PRDM12: variants seen among roughly 807,000 people sequenced by gnomAD.
PRDM12 encodes PR domain zinc finger protein 12.
A neutral mutation model predicts 29.6 loss-of-function variants in PRDM12; 17 were observed. The observed-to-expected ratio is 0.57, with a 90% CI of 0.39 to 0.86. The LOEUF is 0.86. Ranked by LOEUF, PRDM12 falls within the 40% of genes least tolerant of loss-of-function variation. The pLI, the probability that PRDM12 is intolerant of heterozygous loss-of-function variation, is 0.00. For missense variants in PRDM12, 422 were observed against 510.8 expected, an observed-to-expected ratio of 0.83 and a Z score of 1.68; for synonymous variants, 231 against 225.8, an observed-to-expected ratio of 1.02 and a Z score of -0.21.
chr9:130,679,639 AT>A (rs910301162), intron 4 of PRDM12, among the ~76,000 whole-genome samples: 8 of 150,996 alleles, frequency 5.3e-5, no homozygotes, highest in African/African-American at 2.0e-4. Flanking sequence ...GGCCTGTGAA[AT>A]TTGGTTATCC....
chr9:130,672,747 T>C (rs1830801405), intron 3 of PRDM12, among the ~76,000 whole-genome samples: 1 of 152,196 alleles, frequency 6.6e-6, no homozygotes, highest in Non-Finnish European at 1.5e-5. Flanking sequence ...AAATTGATGT[T>C]TGTCCAGATG....
At chr9:130,680,400 C>T (rs746382946) in intron 4 of PRDM12, among the ~76,000 whole-genome samples, 1 of 151,056 alleles carries the variant, frequency 6.6e-6, no homozygotes, top group Non-Finnish European at 1.5e-5. Context: ...TTTGGGAGGC[C>T]GAGGTGGGTG....
chr9:130,671,694 T>C (rs1003891398), intron 3 of PRDM12, among the ~76,000 whole-genome samples: 7 of 152,242 alleles, frequency 4.6e-5, no homozygotes, highest in African/African-American at 1.7e-4. Flanking sequence ...GCAGCCCTTC[T>C]GGGCTAGACT....
chr9:130,674,036 A>T (rs1588187006), intron 3 of PRDM12, among the ~76,000 whole-genome samples: 1 of 91,076 alleles, frequency 1.1e-5, no homozygotes, highest in African/African-American at 4.6e-5. Flanking sequence ...TTTTTTTGAG[A>T]CAGAGTCTTG....
chr9:130,671,374 GACACACACAC>G lies in PRDM12; in HGVS notation c.570+3096_570+3105del, dbSNP rs56920587. On this transcript the variant is annotated intron_variant, in intron 3 of 4. Coordinates refer to ENST00000253008, the MANE Select transcript of PRDM12 (RefSeq NM_021619.3). ...AACAACAACAAAAAAAGAGGATCAG[GACACACACAC>G]ACACACACACACACACACACACACA... Among the ~76,000 whole-genome samples the G allele has an allele frequency of 4.0e-3, 542 of 135,724 alleles. 4 individuals carry two copies. The highest frequency in any genetic ancestry group is 0.013 in the African/African-American group (492 of 36,616). The allele number at this position is 135,724 out of a possible 152,430, so 89.0% of individuals were successfully genotyped here. A position where few individuals can be genotyped will look rare whatever the true frequency, so the allele number is the denominator to read the frequency against.
At position 130,668,753 on chromosome 9, in the gene PRDM12, T is replaced by C. The variant is rs911397645; in HGVS notation, c.570+440T>C. 5.9e-5 allele frequency among the ~76,000 whole-genome samples: 9 copies of C among 151,736 alleles called. No individual in the cohort carries two copies. Among genetic ancestry groups the C allele is most frequent in the Non-Finnish European group, 1.0e-4 (7 of 68,024 alleles). The stretch of plus-strand genomic sequence containing the variant: ...TCTGATGGCCCTCATTCTGCATGCA[T>C]GGGCACCAGTGGCTTACGGCTCATG... On this transcript the variant is annotated intron_variant, in intron 3 of 4. Transcript: ENST00000253008. The surrounding 1 kb of genome is among the most constrained non-coding windows in gnomAD (Gnocchi z 4.0).
rs80053909 is a variant in PRDM12 at position 130,667,982 on chromosome 9, T to G, written c.415-176T>G. On this transcript the variant is annotated intron_variant, in intron 2 of 4. Transcript: ENST00000253008. ...CCCCTGTGGGCCACTTCCAGCCGGC[T>G]AGCTTCAGGCAAGTCCCTGCACCTC... Among the ~76,000 whole-genome samples, 1,098 of 152,326 alleles carry G rather than the reference T, an allele frequency of 7.2e-3. 11 individuals are homozygous for G. The highest frequency in any genetic ancestry group is 0.025 in the African/African-American group (1,038 of 41,570).
chr9:130,680,655 A>ATTT lies in PRDM12; in HGVS notation c.683-592_683-591insTTT, dbSNP rs1247286672. Among the ~76,000 whole-genome samples the ATTT allele has an allele frequency of 1.4e-3, 119 of 85,540 alleles. 1 individual carries two copies. The highest frequency in any genetic ancestry group is 2.0e-3 in the Non-Finnish European group (98 of 50,020). The allele number at this position is 85,540 out of a possible 152,430, so 56.1% of individuals were successfully genotyped here. A position where few individuals can be genotyped will look rare whatever the true frequency, so the allele number is the denominator to read the frequency against. On this transcript the variant is annotated intron_variant, in intron 4 of 4. Coordinates refer to ENST00000253008, the MANE Select transcript of PRDM12 (RefSeq NM_021619.3). Reference sequence around the variant, plus strand: ...AAAAAATATATATATATATATATATATATATTTTTTTTTTTTTTAACTGAT... The same window carrying ATTT: ...AAAAAATATATATATATATATATATATTTTATATTTTTTTTTTTTTTAACTGAT...
intron 3 of PRDM12, among the ~76,000 whole-genome samples, chr9:130,671,632 T>C (rs537935560): frequency 5.6e-4 from 85 of 152,334 alleles, no homozygotes; most frequent in African/African-American, 2.0e-3. Context: ...ATAAATTGTG[T>C]GTCTGGGTGT....
chr9:130,679,302 T>C (rs1441574710), intron 4 of PRDM12, among the ~76,000 whole-genome samples: 1 of 151,760 alleles, frequency 6.6e-6, no homozygotes, highest in Non-Finnish European at 1.5e-5. Context: ...AACCTCTGTG[T>C]ATTTTTTTTC....
intron 4 of PRDM12, among the ~76,000 whole-genome samples, chr9:130,680,629 A>AT (rs1830885794): frequency 1.3e-5 from 1 of 76,632 alleles, no homozygotes; most frequent in Non-Finnish European, 2.4e-5. Flanking sequence ...CGTCTAAAAA[A>AT]AAAAAATATA....
At position 130,668,365 on chromosome 9, in the gene PRDM12, G is replaced by A. The variant is rs571570291; in HGVS notation, c.570+52G>A. 3.1e-5 allele frequency: 50 copies of A among 1,604,442 alleles called. No homozygotes were observed. The highest frequency in any genetic ancestry group is 4.5e-5 in the East Asian group (2 of 44,638). ...GTAGGGACCAGCCGGTAAACCCGGC[G>A]GGGGGAGGTGTGCAGGGCAGCGGTG... On this transcript the variant is annotated intron_variant, in intron 3 of 4. Transcript: ENST00000253008. The surrounding 1 kb of genome is among the most constrained non-coding windows in gnomAD (Gnocchi z 4.0).
rs11340648 is a variant in PRDM12, at chr9:130,681,045, TC to T, written c.683-200del. 0.31 allele frequency among the ~76,000 whole-genome samples: 46,341 copies of T among 151,772 alleles called. 8,756 individuals carry two copies. The highest frequency in any genetic ancestry group is 0.54 in the East Asian group (2,718 of 5,076). On this transcript the variant is annotated intron_variant, in intron 4 of 4. Coordinates refer to ENST00000253008, the MANE Select transcript of PRDM12 (RefSeq NM_021619.3). The surrounding 1 kb of genome is among the most constrained non-coding windows in gnomAD (Gnocchi z 8.1). ...CTCGCATCGCGATCGGGAGTCCAAC[TC>T]CCTATTGGACCCCCCAGCCGGGGTA...
chr9:130,670,047 C>T (rs1025944033), intron 3 of PRDM12, among the ~76,000 whole-genome samples: 4 of 151,980 alleles, frequency 2.6e-5, no homozygotes, highest in South Asian at 2.1e-4. Context: ...CACTGGGACC[C>T]TCCCTGGACA....
At chr9:130,665,987 C>G (rs1283357465) in intron 1 of PRDM12, among the ~76,000 whole-genome samples, 1 of 152,222 alleles carries the variant, frequency 6.6e-6, no homozygotes, top group Non-Finnish European at 1.5e-5. Context: ...TCCCTGGCAC[C>G]CCAGGGCCTG....
At chr9:130,677,742 C>G (rs916980436) in intron 3 of PRDM12, among the ~76,000 whole-genome samples, 1 of 152,196 alleles carries the variant, frequency 6.6e-6, no homozygotes, top group African/African-American at 2.4e-5. Context: ...ATCAGTGCCA[C>G]CCCAGAAGCA....
chr9:130,667,539 C>T (rs987096063), intron 2 of PRDM12, among the ~76,000 whole-genome samples: 1 of 151,974 alleles, frequency 6.6e-6, no homozygotes, highest in African/African-American at 2.4e-5. Flanking sequence ...CAGCTCCCCC[C>T]GGCGGACCCT....
In PRDM12 at chr9:130,681,255, C is replaced by G. The variant is rs774244310; in HGVS notation, c.690C>G (p.Phe230Leu). The G allele has an allele frequency of 2.7e-6, 4 of 1,471,312 alleles. No individual in the cohort carries two copies. In the South Asian group the frequency reaches 4.0e-5, roughly 15 times the overall value. 91.1% of individuals were successfully genotyped at this position (1,471,312 alleles called of 1,614,324 possible). A position where few individuals can be genotyped will look rare whatever the true frequency, so the allele number is the denominator to read the frequency against. Residue 230 changes from phenylalanine (F) to leucine (L), a missense_variant, in exon 5 of 5, where the codon TTC becomes TTG. Around this residue, in one of 5 missense-constraint regions of PRDM12, gnomAD observed 300 missense variants for 350.0 expected, o/e 0.86. Coordinates refer to ENST00000253008, the MANE Select transcript of PRDM12 (RefSeq NM_021619.3). The surrounding 1 kb of genome is among the most constrained non-coding windows in gnomAD (Gnocchi z 8.1). The part of the protein sequence containing the change: ...EDQKKNKHED[F>L]HPADSAAGPA... The stretch of plus-strand genomic sequence containing the variant: ...GCCCCGCCCCGCGGCCAGAGGACTT[C>G]CACCCGGCGGACTCGGCGGCTGGCC...
At chr9:130,669,107 C>A (rs951509129) in intron 3 of PRDM12, among the ~76,000 whole-genome samples, 10 of 152,060 alleles carry the variant, frequency 6.6e-5, no homozygotes, top group Admixed American at 5.2e-4. Flanking sequence ...GCGGGCAGAT[C>A]ACAAGGTCAG....
Sources: gnomAD v4.1 joint callset for allele counts (sites outside exome capture counted in the v4.1 genomes callset) on GRCh38, gnomAD v4.1.1 for gene constraint, gnomAD v4.1.1 regional missense constraint, Gnocchi (gnomAD v3.1) non-coding constraint, MANE v1.5 for transcripts, NCBI Gene and HGNC (gene_info 2026-07-23, HGNC 2026-07-21) for gene names.